PARP8: variants seen among roughly 807,000 people sequenced by gnomAD.
PARP8 encodes poly(ADP-ribose) polymerase family member 8, also known as protein mono-ADP-ribosyltransferase PARP8.
A neutral mutation model predicts 124.1 loss-of-function variants in PARP8; 51 were observed. The observed-to-expected ratio is 0.41, with a 90% CI of 0.33 to 0.52. The LOEUF (loss-of-function observed/expected upper bound fraction) is 0.52, where lower values mean the gene tolerates loss of function less well. PARP8 is among the 20% of genes least tolerant of loss of function. PARP8 has a pLI of 0.21. For synonymous variants in PARP8, 391 were observed against 361.5 expected (o/e 1.08, Z -0.93); for missense variants, 860 against 1,018.9 (o/e 0.84, Z 2.12).
Position 50,842,006 on chromosome 5 carries a change from C to G in PARP8, c.2503C>G (p.Gln835Glu), listed in dbSNP as rs1322033075. ...GQVGDANINT[Q>E]EGGIHKEILR... ...AGTGGGAGATGCAAATATTAATACA[C>G]AAGAAGGAGGCATTCACAAAGAGAT... The change falls in exon 26 of 26, where the codon CAA (glutamine) becomes GAA (glutamate). Residue 835 changes from glutamine to glutamate, a missense_variant. Gln to Glu is a conservative substitution (Grantham distance 29). Around this residue, in one of 2 missense-constraint regions of PARP8, gnomAD observed 343 missense variants for 474.7 expected, o/e 0.72. Transcript: ENST00000281631. 3.1e-6 allele frequency: 5 copies of G among 1,605,750 alleles called. No homozygotes were observed. The highest frequency in any genetic ancestry group is 4.3e-6 in the Non-Finnish European group (5 of 1,175,460).
At chr5:50,829,384 T>C (rs1248385757) in intron 21 of PARP8, among the ~76,000 whole-genome samples, 1 of 152,310 alleles carries the variant, frequency 6.6e-6, no homozygotes, top group Middle Eastern at 3.4e-3. Context: ...ACTAATAGTG[T>C]GTGAGGGCCC....
intron 14 of PARP8, among the ~76,000 whole-genome samples, chr5:50,809,193 G>C (rs1057358113): frequency 6.6e-6 from 1 of 151,956 alleles, no homozygotes; most frequent in African/African-American, 2.4e-5. Context: ...TCAATGAACG[G>C]TACACCTTTC....
At chr5:50,788,416 G>A (rs1741551835) in intron 9 of PARP8, 107 bp from the exon 10 acceptor site, 3 of 889,838 alleles carry the variant, frequency 3.4e-6, no homozygotes, top group East Asian at 2.6e-5. Flanking sequence ...GTTTTTAAAT[G>A]TGTATATGTA....
chr5:50,814,541 A>G (rs1253385661), intron 14 of PARP8, among the ~76,000 whole-genome samples: 3 of 152,096 alleles, frequency 2.0e-5, no homozygotes, highest in Admixed American at 6.6e-5. Flanking sequence ...AGCAAAGTCA[A>G]CCAGAAAGCT....
intron 2 of PARP8, among the ~76,000 whole-genome samples, chr5:50,733,558 A>T (rs1319090636): frequency 2.0e-5 from 3 of 152,182 alleles, no homozygotes; most frequent in Admixed American, 2.0e-4. Flanking sequence ...GAAAAACTAC[A>T]CTAAGCTATA....
intron 14 of PARP8, among the ~76,000 whole-genome samples, 164 bp downstream of exon 14, chr5:50,797,397 G>A (rs1742679741): frequency 6.6e-6 from 1 of 152,166 alleles, no homozygotes; most frequent in African/African-American, 2.4e-5. Context: ...TTCTAAAGTA[G>A]CCTGTGAAAG....
intron 2 of PARP8, among the ~76,000 whole-genome samples, chr5:50,676,402 G>A (rs541437857): frequency 6.6e-6 from 1 of 152,226 alleles, no homozygotes; most frequent in African/African-American, 2.4e-5. Flanking sequence ...TATTTCTCTG[G>A]TTCTCTCACT....
At chr5:50,831,219 A>G (rs1029575864) in intron 22 of PARP8, among the ~76,000 whole-genome samples, 12 of 152,236 alleles carry the variant, frequency 7.9e-5, no homozygotes, top group Non-Finnish European at 5.9e-5. Flanking sequence ...TATTCAAGTA[A>G]CTATTGCTGT....
At chr5:50,679,642 C>G (rs574823007) in intron 2 of PARP8, among the ~76,000 whole-genome samples, 4 of 152,186 alleles carry the variant, frequency 2.6e-5, no homozygotes, top group Admixed American at 1.3e-4. Context: ...GTGGCGCATC[C>G]TGGTTTTACC....
At chr5:50,760,411 A>G (rs1316356999) in intron 5 of PARP8, 49 bp downstream of exon 5, 2 of 1,301,498 alleles carry the variant, frequency 1.5e-6, no homozygotes, top group Non-Finnish European at 2.0e-6. Context: ...AGATATATTT[A>G]AAATTTACTG....
chr5:50,797,127 G>A lies in PARP8; in HGVS notation c.1480-11G>A. 6.2e-7 allele frequency: 1 copy of A among 1,611,634 alleles called. No homozygotes were observed. Among genetic ancestry groups the A allele is most frequent in the South Asian group, 1.1e-5 (1 of 90,688 alleles). ...CTTGTCTTAATTATTTTTCCTTACT[G>A]TTTTATTCAGACAATTGAGTTTGCT... is the stretch of plus-strand genomic sequence containing the variant. On this transcript the variant is annotated splice_polypyrimidine_tract_variant and intron_variant, in intron 13 of 25. Transcript: ENST00000281631.
chr5:50,716,320 A>G (rs545347119), intron 2 of PARP8, among the ~76,000 whole-genome samples: 2 of 152,252 alleles, frequency 1.3e-5, no homozygotes, highest in South Asian at 4.1e-4. Context: ...AATTGAGTTT[A>G]ATGATCTAAT....
intron 2 of PARP8, among the ~76,000 whole-genome samples, chr5:50,672,739 A>C (rs1384793733): frequency 1.3e-5 from 2 of 152,178 alleles, no homozygotes; most frequent in African/African-American, 4.8e-5. Context: ...CTGGGCCCGC[A>C]GTGTGTAATT....
chr5:50,704,432 CTTAT>C (rs1175943221), intron 2 of PARP8, among the ~76,000 whole-genome samples: 1 of 152,104 alleles, frequency 6.6e-6, no homozygotes, highest in African/African-American at 2.4e-5. Context: ...GCTCACTTAC[CTTAT>C]TTGAATCTTC....
intron 14 of PARP8, among the ~76,000 whole-genome samples, chr5:50,807,721 AAC>A (rs1256505946): frequency 1.3e-5 from 2 of 152,082 alleles, no homozygotes; most frequent in African/African-American, 4.8e-5. Flanking sequence ...TTATGTGAAT[AAC>A]AGTTCCTGCA....
At chr5:50,749,893 G>T (rs1759038680) in intron 2 of PARP8, among the ~76,000 whole-genome samples, 1 of 152,056 alleles carries the variant, frequency 6.6e-6, no homozygotes, top group African/African-American at 2.4e-5. Flanking sequence ...TATACTAAAA[G>T]AAATATCCCT....
chr5:50,756,965 C>T (rs892526422), intron 3 of PARP8, among the ~76,000 whole-genome samples: 1 of 152,134 alleles, frequency 6.6e-6, no homozygotes, highest in Non-Finnish European at 1.5e-5. Flanking sequence ...GGCATAACGT[C>T]TTCCATGTTC....
At chr5:50,817,034 T>G (rs1745185107) in intron 15 of PARP8, among the ~76,000 whole-genome samples, 1 of 152,182 alleles carries the variant, frequency 6.6e-6, no homozygotes, top group African/African-American at 2.4e-5. Flanking sequence ...TAAAAATTCT[T>G]CAAGTAGTAT....
intron 2 of PARP8, among the ~76,000 whole-genome samples, chr5:50,697,267 C>T (rs1468610256): frequency 1.3e-5 from 2 of 149,686 alleles, no homozygotes; most frequent in African/African-American, 2.5e-5. Flanking sequence ...AGAAAACAAA[C>T]AAAAAAAAAG....
Sources: allele counts gnomAD v4.1 joint callset (sites outside exome capture counted in the v4.1 genomes callset), GRCh38; gene constraint gnomAD v4.1.1; regional missense constraint gnomAD v4.1.1; transcripts MANE v1.5; gene names NCBI Gene and HGNC (gene_info 2026-07-23, HGNC 2026-07-21).